The following CTDSPL variants were observed in gnomAD, a reference collection of about 807,000 sequenced individuals.
The protein encoded by CTDSPL is CTD small phosphatase-like protein.
A neutral mutation model predicts 30.5 loss-of-function variants in CTDSPL; 8 were observed. The observed-to-expected ratio is 0.26, with a 90% CI of 0.15 to 0.47. The LOEUF is 0.47. Among genes scored for constraint, CTDSPL ranks in the 20% least tolerant of loss-of-function variants. CTDSPL has a pLI of 0.99. For synonymous variants in CTDSPL, 110 were observed against 137.9 expected (o/e 0.80, Z 1.42); for missense variants, 248 against 366.1 (o/e 0.68, Z 2.63).
At chr3:37,979,752 G>C (rs987654020) in intron 7 of CTDSPL, among the ~76,000 whole-genome samples, 1 of 151,836 alleles carries the variant, frequency 6.6e-6, no homozygotes, top group South Asian at 2.1e-4. Flanking sequence ...AGAGTGTGAC[G>C]CTGTGTCACA....
At chr3:37,879,504 C>T (rs1698177314) in intron 1 of CTDSPL, among the ~76,000 whole-genome samples, 1 of 152,254 alleles carries the variant, frequency 6.6e-6, no homozygotes, top group South Asian at 2.1e-4. Flanking sequence ...CCTTTTGAGC[C>T]TCCTATGCGG....
rs532831718 is a variant in CTDSPL, at chr3:37,959,450, A to G, written c.267+2307A>G. Among the ~76,000 whole-genome samples the G allele has an allele frequency of 2.4e-4, 36 of 152,342 alleles. No homozygotes were observed. In the East Asian group the frequency reaches 4.6e-3, roughly 20 times the overall value. On this transcript the variant is annotated intron_variant, in intron 3 of 7. Transcript: ENST00000273179. ...CTTCTAGGCAGTACCACTTTTTAATATATGTCATTTATCCTTCCAGAAGTT... is the reference window on the plus strand; with the variant it reads ...CTTCTAGGCAGTACCACTTTTTAATGTATGTCATTTATCCTTCCAGAAGTT...
chr3:37,933,180 A>G (rs1213805025), intron 1 of CTDSPL, among the ~76,000 whole-genome samples: 4 of 151,372 alleles, frequency 2.6e-5, no homozygotes, highest in African/African-American at 7.3e-5. Context: ...AAAAAAGATT[A>G]TGTTCACTGA....
At chr3:37,931,145 CTT>C (rs35669035) in intron 1 of CTDSPL, among the ~76,000 whole-genome samples, 28 of 139,278 alleles carry the variant, frequency 2.0e-4, no homozygotes, top group Middle Eastern at 3.8e-3. Context: ...TCCTCTTTGT[CTT>C]TTTTTTTTTT....
chr3:37,958,007 G>T (rs1469135691), intron 3 of CTDSPL, among the ~76,000 whole-genome samples: 2 of 152,216 alleles, frequency 1.3e-5, no homozygotes, highest in Non-Finnish European at 2.9e-5. Flanking sequence ...TAATTTTTTA[G>T]TCTGTAAAGA....
chr3:37,981,020 T>A lies in CTDSPL; in HGVS notation c.*153T>A. 1.2e-6 allele frequency: 1 copy of A among 802,438 alleles called. No individual in the cohort carries two copies. The highest frequency in any genetic ancestry group is 1.8e-6 in the Non-Finnish European group (1 of 569,886). 49.7% of individuals were successfully genotyped at this position (802,438 alleles called of 1,614,324 possible). A position where few individuals can be genotyped will look rare whatever the true frequency, so the allele number is the denominator to read the frequency against. ...GCCATGCCTACCTGTTTTGTTTTTTTAAGAACAGAAACAACTATTTTAAAA... is the reference window on the plus strand; with the variant it reads ...GCCATGCCTACCTGTTTTGTTTTTTAAAGAACAGAAACAACTATTTTAAAA... On this transcript the variant is annotated 3_prime_UTR_variant, in exon 8 of 8. Coordinates refer to ENST00000273179, the MANE Select transcript of CTDSPL (RefSeq NM_001008392.2).
chr3:37,871,755 A>C (rs1176167134), intron 1 of CTDSPL, among the ~76,000 whole-genome samples: 1 of 151,988 alleles, frequency 6.6e-6, no homozygotes, highest in African/African-American at 2.4e-5. Context: ...TAAATGTTAG[A>C]TCTTTTGTTA....
rs185871022 is a variant in CTDSPL at position 37,895,621 on chromosome 3, G to A, written c.79+33343G>A. Among the ~76,000 whole-genome samples, 30 of 152,246 alleles carry A rather than the reference G, an allele frequency of 2.0e-4. No individual in the cohort carries two copies. The East Asian group carries it at 4.2e-3, about 22-fold the overall frequency. ...CCATTTTCCAAGTGTCATTCTCCCC[G>A]CTCTGAAATCTGCTTACTGTCTATC... is the stretch of plus-strand genomic sequence containing the variant. On this transcript the variant is annotated intron_variant, in intron 1 of 7. Coordinates refer to ENST00000273179, the MANE Select transcript of CTDSPL (RefSeq NM_001008392.2).
intron 1 of CTDSPL, among the ~76,000 whole-genome samples, chr3:37,927,483 T>C (rs1209769234): frequency 6.6e-6 from 1 of 151,952 alleles, no homozygotes; most frequent in Non-Finnish European, 1.5e-5. Flanking sequence ...GCATTTTGGA[T>C]AAGGGATCTT....
chr3:37,915,588 T>C lies in CTDSPL; in HGVS notation c.80-31469T>C, dbSNP rs372876704. On this transcript the variant is annotated intron_variant, in intron 1 of 7. Transcript: ENST00000273179. ...GCTATTAAACCCCCATATTGAATTC[T>C]TAATTTTAGTTATTTTGTTTTTAAA... is the stretch of plus-strand genomic sequence containing the variant. Among the ~76,000 whole-genome samples, 19 of 152,334 alleles carry C rather than the reference T, an allele frequency of 1.2e-4. 1 individual carries two copies. The East Asian group carries it at 1.3e-3, about 11-fold the overall frequency.
At chr3:37,869,516 G>C (rs960877066) in intron 1 of CTDSPL, among the ~76,000 whole-genome samples, 4 of 152,070 alleles carry the variant, frequency 2.6e-5, no homozygotes, top group Non-Finnish European at 5.9e-5. Context: ...GCTTTTTATA[G>C]ATTCCCTGAA....
intron 1 of CTDSPL, among the ~76,000 whole-genome samples, chr3:37,946,784 TAAGC>T (rs1369169321): frequency 6.6e-6 from 1 of 152,166 alleles, no homozygotes; most frequent in Non-Finnish European, 1.5e-5. Flanking sequence ...GGTCAGTTAA[TAAGC>T]AGGCAGCCCC....
At chr3:37,957,373 C>G (rs1436312900) in intron 3 of CTDSPL, among the ~76,000 whole-genome samples, 1 of 152,148 alleles carries the variant, frequency 6.6e-6, no homozygotes, top group Non-Finnish European at 1.5e-5. Context: ...GCAGCCAGCT[C>G]CATTAACCTA....
chr3:37,881,868 A>T (rs1259601093), intron 1 of CTDSPL, among the ~76,000 whole-genome samples: 1 of 152,226 alleles, frequency 6.6e-6, no homozygotes, highest in Non-Finnish European at 1.5e-5. Context: ...AGGGGTACAC[A>T]GGGAGTTTCT....
At chr3:37,914,253 A>G (rs1411276941) in intron 1 of CTDSPL, among the ~76,000 whole-genome samples, 3 of 152,224 alleles carry the variant, frequency 2.0e-5, no homozygotes, top group Non-Finnish European at 4.4e-5. Context: ...TTCAAGCTAT[A>G]TATCTCCCAA....
Position 37,981,119 on chromosome 3 carries a change from G to C in CTDSPL, c.*252G>C. On this transcript the variant is annotated 3_prime_UTR_variant, in exon 8 of 8. Transcript: ENST00000273179. ...GCTTTTCTTAAAACATACCAAAAAA[G>C]AAAAAAATAGAAAAAAAAAAAAAAA... 1.6e-4 allele frequency: 16 copies of C among 102,624 alleles called. No individual in the cohort carries two copies. The highest frequency in any genetic ancestry group is 5.2e-4 in the East Asian group (2 of 3,840). The allele number at this position is 102,624 out of a possible 1,614,324, so 6.4% of individuals were successfully genotyped here. A position where few individuals can be genotyped will look rare whatever the true frequency, so the allele number is the denominator to read the frequency against.
At chr3:37,870,982 C>A (rs1170866683) in intron 1 of CTDSPL, among the ~76,000 whole-genome samples, 2 of 152,094 alleles carry the variant, frequency 1.3e-5, no homozygotes, top group Non-Finnish European at 2.9e-5. Context: ...GGTCCAAGAA[C>A]ATAAGGGTTC....
intron 1 of CTDSPL, among the ~76,000 whole-genome samples, chr3:37,915,391 A>G (rs905405140): frequency 6.6e-6 from 1 of 151,656 alleles, no homozygotes; most frequent in Non-Finnish European, 1.5e-5. Flanking sequence ...CTTCTACTCA[A>G]TTCTCTCCTC....
chr3:37,912,395 A>G (rs896486424), intron 1 of CTDSPL, among the ~76,000 whole-genome samples: 2 of 152,194 alleles, frequency 1.3e-5, no homozygotes, highest in Non-Finnish European at 2.9e-5. Flanking sequence ...GCCATTTTGA[A>G]TTAAGGAATC....
Sources: gnomAD v4.1 joint callset for allele counts (sites outside exome capture counted in the v4.1 genomes callset) on GRCh38, gnomAD v4.1.1 for gene constraint, MANE v1.5 for transcripts, NCBI Gene and HGNC (gene_info 2026-07-23, HGNC 2026-07-21) for gene names.